Variants in ROCK1 observed in about 807,000 individuals in gnomAD.
ROCK1 encodes rho-associated protein kinase 1.
In ROCK1, 36 loss-of-function variants were observed where a neutral mutation model predicts 196.8. That is an observed-to-expected ratio of 0.18 (90% CI 0.14 to 0.24). The LOEUF is 0.24. Ranked by LOEUF, ROCK1 falls within the 10% of genes least tolerant of loss-of-function variation. The pLI is 1.00. For synonymous variants in ROCK1, 443 were observed against 515.9 expected (o/e 0.86, Z 1.91); for missense variants, 920 against 1,562.0 (o/e 0.59, Z 6.93).
At chr18:21,031,816 G>A (rs2036010605) in intron 9 of ROCK1, among the ~76,000 whole-genome samples, 1 of 151,958 alleles carries the variant, frequency 6.6e-6, no homozygotes, top group East Asian at 1.9e-4. Flanking sequence ...TTCTAGCACT[G>A]AAAAGTACAA....
intron 12 of ROCK1, among the ~76,000 whole-genome samples, chr18:21,016,450 G>A (rs751190359): frequency 1.6e-4 from 24 of 152,082 alleles, no homozygotes; most frequent in Non-Finnish European, 2.9e-4. Context: ...AAAGAGAAAG[G>A]TAGTATATAT....
chr18:21,048,917 C>T (rs1484299855), intron 4 of ROCK1, among the ~76,000 whole-genome samples, 175 bp downstream of exon 4: 1 of 152,120 alleles, frequency 6.6e-6, no homozygotes, highest in Non-Finnish European at 1.5e-5. Context: ...TTTGTTCTAG[C>T]CTTTCTTGCT....
intron 2 of ROCK1, among the ~76,000 whole-genome samples, chr18:21,058,466 T>G (rs1459284284): frequency 1.3e-5 from 2 of 152,152 alleles, no homozygotes; most frequent in Non-Finnish European, 2.9e-5. Flanking sequence ...ACCAGAATAC[T>G]GCTACTCTGC....
intron 12 of ROCK1, among the ~76,000 whole-genome samples, chr18:21,018,842 C>T (rs1042685610): frequency 6.6e-6 from 1 of 152,114 alleles, no homozygotes; most frequent in African/African-American, 2.4e-5. Flanking sequence ...GTTACCTTTG[C>T]ATTTCATTTA....
At chr18:21,021,147 G>C (rs866222951) in intron 11 of ROCK1, among the ~76,000 whole-genome samples, 30 of 152,326 alleles carry the variant, frequency 2.0e-4, no homozygotes, top group Admixed American at 6.5e-4. Context: ...AAACCGACTG[G>C]AAGTTAGAAT....
chr18:21,060,999 T>C (rs1007675373), intron 2 of ROCK1, among the ~76,000 whole-genome samples: 7 of 151,978 alleles, frequency 4.6e-5, no homozygotes, highest in African/African-American at 1.7e-4. Flanking sequence ...AATAGAAGGT[T>C]GCTCTGCAAT....
chr18:20,996,549 A>G (rs918558206), intron 16 of ROCK1, among the ~76,000 whole-genome samples: 1 of 152,080 alleles, frequency 6.6e-6, no homozygotes, highest in Non-Finnish European at 1.5e-5. Flanking sequence ...AAAGATACCA[A>G]TATTCAAGCA....
chr18:21,081,913 C>T (rs1303572442), intron 1 of ROCK1, among the ~76,000 whole-genome samples: 4 of 152,160 alleles, frequency 2.6e-5, no homozygotes, highest in African/African-American at 9.7e-5. Flanking sequence ...GATGGCTCCA[C>T]TGGTGAATTC....
intron 29 of ROCK1, among the ~76,000 whole-genome samples, chr18:20,958,064 G>A (rs2035263573): frequency 6.6e-6 from 1 of 152,114 alleles, no homozygotes; most frequent in African/African-American, 2.4e-5. Flanking sequence ...GAACTTTATT[G>A]TGGGAAATTA....
chr18:20,978,922 C>G (rs1287743941), intron 22 of ROCK1, among the ~76,000 whole-genome samples: 1 of 152,190 alleles, frequency 6.6e-6, no homozygotes. Flanking sequence ...TTGTTTGTTT[C>G]AACAACAGTC....
At chr18:21,097,120 G>A (rs1415652505) in intron 1 of ROCK1, among the ~76,000 whole-genome samples, 1 of 152,176 alleles carries the variant, frequency 6.6e-6, no homozygotes, top group East Asian at 1.9e-4. Flanking sequence ...ATCCAGTAGA[G>A]CGCAGTCTAT....
Position 20,950,234 on chromosome 18 carries a change from C to A in ROCK1, c.*1150G>T, listed in dbSNP as rs1167796486. 6 of 152,426 alleles carry A rather than the reference C, an allele frequency of 3.9e-5. No individual in the cohort carries two copies. The highest frequency in any genetic ancestry group is 6.8e-3 in the Middle Eastern group (2 of 294). The allele number at this position is 152,426 out of a possible 1,614,324, so 9.4% of individuals were successfully genotyped here. On this transcript the variant is annotated 3_prime_UTR_variant, in exon 33 of 33. Coordinates refer to ENST00000399799, the MANE Select transcript of ROCK1 (RefSeq NM_005406.3). The stretch of plus-strand genomic sequence containing the variant: ...ATATTTCCTTTTTATGTTGGTGCAA[C>A]CTTCTACATTTTTTGCAGTTTTATA...
intron 2 of ROCK1, among the ~76,000 whole-genome samples, chr18:21,056,494 T>A (rs2036246127): frequency 6.6e-6 from 1 of 152,282 alleles, no homozygotes; most frequent in Non-Finnish European, 1.5e-5. Flanking sequence ...AATATATCTG[T>A]AATCTGATAG....
At chr18:20,997,440 G>A (rs923216641) in intron 16 of ROCK1, among the ~76,000 whole-genome samples, 10 of 152,154 alleles carry the variant, frequency 6.6e-5, no homozygotes, top group Non-Finnish European at 1.5e-4. Context: ...TTCAGCAAGA[G>A]AATATAACAA....
chr18:21,027,701 T>G (rs2143476507), intron 10 of ROCK1, among the ~76,000 whole-genome samples: 1 of 151,138 alleles, frequency 6.6e-6, no homozygotes, highest in African/African-American at 2.4e-5. Flanking sequence ...ACAGTGGAGG[T>G]AATACTACAT....
intron 13 of ROCK1, among the ~76,000 whole-genome samples, 199 bp from the exon 14 acceptor site, chr18:21,008,393 T>C (rs2143441016): frequency 6.6e-6 from 1 of 152,344 alleles, no homozygotes; most frequent in East Asian, 1.9e-4. Context: ...AGTGGGAATC[T>C]GTCTTCTGTA....
intron 2 of ROCK1, among the ~76,000 whole-genome samples, chr18:21,055,532 T>C (rs2036239348): frequency 6.6e-6 from 1 of 152,198 alleles, no homozygotes; most frequent in South Asian, 2.1e-4. Flanking sequence ...TTTCATATTT[T>C]ACTATGGGAG....
In ROCK1 at chr18:20,948,008, T is replaced by C. The variant is rs1225447430; in HGVS notation, c.*3376A>G. The C allele has an allele frequency of 6.6e-6, 1 of 151,472 alleles. No individual in the cohort carries two copies. The highest frequency in any genetic ancestry group is 6.6e-5 in the Admixed American group (1 of 15,202). 9.4% of individuals were successfully genotyped at this position (151,472 alleles called of 1,614,324 possible). A position where few individuals can be genotyped will look rare whatever the true frequency, so the allele number is the denominator to read the frequency against. On this transcript the variant is annotated 3_prime_UTR_variant, in exon 33 of 33. Transcript: ENST00000399799. ...ACCTGTAATCCCAGCTACTCGGGAGTCTGAGGCAGGAGGATCACTTGAACC... is the reference window on the plus strand; with the variant it reads ...ACCTGTAATCCCAGCTACTCGGGAGCCTGAGGCAGGAGGATCACTTGAACC...
chr18:21,040,685 A>G (rs1161419170), intron 8 of ROCK1, among the ~76,000 whole-genome samples: 1 of 152,180 alleles, frequency 6.6e-6, no homozygotes, highest in East Asian at 1.9e-4. Context: ...TCTCATGGTA[A>G]TTAGCTGTGT....
Sources: allele counts gnomAD v4.1 joint callset (sites outside exome capture counted in the v4.1 genomes callset), GRCh38; gene constraint gnomAD v4.1.1; transcripts MANE v1.5; gene names NCBI Gene and HGNC (gene_info 2026-07-23, HGNC 2026-07-21).